Variants in SIAH2 observed in about 807,000 individuals in gnomAD.
SIAH2 encodes the protein E3 ubiquitin-protein ligase SIAH2.
Under a neutral mutation model 20.4 loss-of-function variants are expected in SIAH2, and 4 were observed. That is an observed-to-expected ratio of 0.20 (90% CI 0.10 to 0.45). SIAH2 has a LOEUF of 0.45. Ranked by LOEUF, SIAH2 falls within the 20% of genes least tolerant of loss-of-function variation. SIAH2 has a pLI of 0.99. For synonymous variants in SIAH2, 171 were observed against 192.5 expected (o/e 0.89, Z 0.93); for missense variants, 259 against 440.3 (o/e 0.59, Z 3.69).
chr3:150,741,464 G>C lies in SIAH2; in HGVS notation c.*677C>G, dbSNP rs1714085341. 1 of 152,594 alleles carries C rather than the reference G, an allele frequency of 6.6e-6. No homozygotes were observed. Among genetic ancestry groups the C allele is most frequent in the African/African-American group, 2.4e-5 (1 of 41,442 alleles). 9.5% of individuals were successfully genotyped at this position (152,594 alleles called of 1,614,324 possible). ...TAGTTCTAGTTTTAATTTGAGGGTT[G>C]GGGGAAGTTAGGGGATGAAACAGTA... On this transcript the variant is annotated 3_prime_UTR_variant, in exon 2 of 2. Transcript: ENST00000312960.
intron 1 of SIAH2, among the ~76,000 whole-genome samples, chr3:150,753,201 T>G (rs1714408106): frequency 6.6e-6 from 1 of 152,132 alleles, no homozygotes; most frequent in East Asian, 1.9e-4. Flanking sequence ...CCAGTAGACT[T>G]AGGAGAGTTT....
At chr3:150,743,627 G>A (rs1714147994) in intron 1 of SIAH2, among the ~76,000 whole-genome samples, 2 of 152,154 alleles carry the variant, frequency 1.3e-5, no homozygotes, top group Admixed American at 6.5e-5. Flanking sequence ...TAATAGGGTA[G>A]GAGAACAAAA....
chr3:150,762,459 C>A lies in SIAH2; in HGVS notation c.391G>T (p.Ala131Ser). ...SIRNLAMEKV[A>S]SAVLFPCKYA... ...TTACAGGGAAACAGGACTGCCGAGG[C>A]CACCTTCTCCATAGCCAGGTTCCTG... is the stretch of plus-strand genomic sequence containing the variant. The change falls in exon 1 of 2, where the codon GCC becomes TCC. Residue 131 changes from alanine to serine, a missense_variant. Physicochemically the swap from Ala to Ser is moderately conservative, Grantham distance 99. Around this residue, in one of 2 missense-constraint regions of SIAH2, gnomAD observed 160 missense variants for 327.6 expected, o/e 0.49. Coordinates refer to ENST00000312960, the MANE Select transcript of SIAH2 (RefSeq NM_005067.7). The surrounding 1 kb of genome is among the most constrained non-coding windows in gnomAD (Gnocchi z 6.6). The A allele has an allele frequency of 1.2e-6, 2 of 1,613,200 alleles. No homozygotes were observed.
At chr3:150,746,901 C>T (rs530888773) in intron 1 of SIAH2, among the ~76,000 whole-genome samples, 1 of 152,326 alleles carries the variant, frequency 6.6e-6, no homozygotes, top group Admixed American at 6.5e-5. Context: ...TAGCAAAGCA[C>T]GGAGTTAGAC....
intron 1 of SIAH2, among the ~76,000 whole-genome samples, chr3:150,750,555 A>G (rs540701625): frequency 2.0e-4 from 30 of 152,332 alleles, no homozygotes; most frequent in African/African-American, 7.0e-4. Context: ...TTTTATTTAC[A>G]TAACTATTTG....
chr3:150,746,484 G>A (rs73006998), intron 1 of SIAH2, among the ~76,000 whole-genome samples: 19,394 of 152,130 alleles, frequency 0.13, 2,526 homozygotes, highest in East Asian at 0.33. Context: ...TGAGTTTCTC[G>A]ACAGTGGTGC....
chr3:150,750,936 A>ACTAT (rs1284848106), intron 1 of SIAH2, among the ~76,000 whole-genome samples: 1 of 152,240 alleles, frequency 6.6e-6, no homozygotes, highest in Non-Finnish European at 1.5e-5. Context: ...TTCCTCCTTG[A>ACTAT]CTATTATTAA....
chr3:150,755,307 TTTTTC>T (rs1714460574), intron 1 of SIAH2, among the ~76,000 whole-genome samples: 1 of 150,350 alleles, frequency 6.7e-6, no homozygotes, highest in South Asian at 2.1e-4. Context: ...AATATTTTTC[TTTTTC>T]TTTTCTTCCC....
intron 1 of SIAH2, among the ~76,000 whole-genome samples, chr3:150,750,014 A>T (rs896235193): frequency 2.6e-5 from 4 of 152,138 alleles, no homozygotes; most frequent in Non-Finnish European, 5.9e-5. Flanking sequence ...TGGGAAGAAG[A>T]GATATAGGAG....
Position 150,753,428 on chromosome 3 carries a change from C to A in SIAH2, c.417+9005G>T, listed in dbSNP as rs534688972. ...CAAAAGGTAACACCCAATGTCGGTG[C>A]TGCTGGGAAGAAATGGACATTCAAC... On this transcript the variant is annotated intron_variant, in intron 1 of 1. Transcript: ENST00000312960. 3.7e-4 allele frequency among the ~76,000 whole-genome samples: 57 copies of A among 152,280 alleles called. No homozygotes were observed. The South Asian group carries it at 0.011, about 30-fold the overall frequency.
intron 1 of SIAH2, among the ~76,000 whole-genome samples, chr3:150,761,144 T>G (rs1162428460): frequency 1.3e-5 from 2 of 152,200 alleles, no homozygotes; most frequent in African/African-American, 2.4e-5. Context: ...TCTTGTCCTA[T>G]AAAATAAGCA....
intron 1 of SIAH2, among the ~76,000 whole-genome samples, chr3:150,751,446 A>G (rs951643415): frequency 2.6e-5 from 4 of 151,980 alleles, no homozygotes; most frequent in African/African-American, 9.7e-5. Flanking sequence ...AAAGAGAGAG[A>G]TATCATCAAC....
intron 1 of SIAH2, among the ~76,000 whole-genome samples, chr3:150,759,817 T>C (rs1714565365): frequency 6.6e-6 from 1 of 152,136 alleles, no homozygotes; most frequent in South Asian, 2.1e-4. Context: ...TACAGGTCCT[T>C]AGAAGTCAAG....
chr3:150,742,731 C>T lies in SIAH2; in HGVS notation c.418-33G>A, dbSNP rs774748783. 2.0e-6 allele frequency: 3 copies of T among 1,507,598 alleles called. No individual in the cohort carries two copies. Among genetic ancestry groups the T allele is most frequent in the Non-Finnish European group, 2.7e-6 (3 of 1,127,094 alleles). 93.4% of individuals were successfully genotyped at this position (1,507,598 alleles called of 1,614,324 possible). On this transcript the variant is annotated intron_variant, in intron 1 of 1. Transcript: ENST00000312960. This position sits in a 1 kb window ranked among gnomAD's most constrained non-coding sequence, Gnocchi z 4.8. ...GAAAGAAATGCATTGAGCCATTGGG[C>T]CTTCTCAAAACTTCTATTGCTTCAA...
chr3:150,749,642 GAATA>G (rs768313126), intron 1 of SIAH2, among the ~76,000 whole-genome samples: 4 of 152,322 alleles, frequency 2.6e-5, no homozygotes, highest in African/African-American at 7.2e-5. Context: ...TGTTTTAAAA[GAATA>G]TATACCTTTA....
At position 150,762,711 on chromosome 3, in the gene SIAH2, C is replaced by A; in HGVS notation, c.139G>T (p.Ala47Ser). Residue 47 changes from alanine (A) to serine (S), a missense_variant, in exon 1 of 2, where the codon GCG becomes TCG. Ala to Ser is a moderately conservative substitution (Grantham distance 99). This residue lies in a region of SIAH2 where 99 missense variants were observed against 112.7 expected (regional missense o/e 0.88). Transcript: ENST00000312960. This position sits in a 1 kb window ranked among gnomAD's most constrained non-coding sequence, Gnocchi z 6.6. Reference protein sequence around the residue: ...TISAAGPGSSAVPAAAAVISG... With the variant: ...TISAAGPGSSSVPAAAAVISG... ...ATCACCGCCGCCGCGGCGGGCACCG[C>A]GGACGAGCCGGGGCCCGCAGCCGAG... 1.6e-6 allele frequency: 2 copies of A among 1,224,020 alleles called. No individual in the cohort carries two copies. The highest frequency in any genetic ancestry group is 7.4e-5 in the South Asian group (2 of 26,990). 75.8% of individuals were successfully genotyped at this position (1,224,020 alleles called of 1,614,324 possible). A position where few individuals can be genotyped will look rare whatever the true frequency, so the allele number is the denominator to read the frequency against.
At position 150,762,269 on chromosome 3, in the gene SIAH2, C is replaced by A; in HGVS notation, c.417+164G>T. 3 of 1,380,368 alleles carry A rather than the reference C, an allele frequency of 2.2e-6. No homozygotes were observed. The highest frequency in any genetic ancestry group is 2.9e-6 in the Non-Finnish European group (3 of 1,047,726). The allele number at this position is 1,380,368 out of a possible 1,614,324, so 85.5% of individuals were successfully genotyped here. A position where few individuals can be genotyped will look rare whatever the true frequency, so the allele number is the denominator to read the frequency against. ...CTCGGTAAATGTCAACCCAGACCTA[C>A]ACCCAAAGTGGGCTTGAGGGAGGGT... On this transcript the variant is annotated intron_variant, in intron 1 of 1. Transcript: ENST00000312960. The surrounding 1 kb of genome is among the most constrained non-coding windows in gnomAD (Gnocchi z 6.6).
rs1174267596 is a variant in SIAH2, at chr3:150,742,836, T to G, written c.418-138A>C. 1 of 613,116 alleles carries G rather than the reference T, an allele frequency of 1.6e-6. No individual in the cohort carries two copies. Among genetic ancestry groups the G allele is most frequent in the Non-Finnish European group, 2.7e-6 (1 of 374,732 alleles). The allele number at this position is 613,116 out of a possible 1,614,324, so 38.0% of individuals were successfully genotyped here. A position where few individuals can be genotyped will look rare whatever the true frequency, so the allele number is the denominator to read the frequency against. Reference sequence around the variant, plus strand: ...CTACTTTTGCTCAAAGCAAGTGAAATATTCAAGACTAAAAGTCTCCGTCTC... The same window carrying G: ...CTACTTTTGCTCAAAGCAAGTGAAAGATTCAAGACTAAAAGTCTCCGTCTC... On this transcript the variant is annotated intron_variant, in intron 1 of 1. Coordinates refer to ENST00000312960, the MANE Select transcript of SIAH2 (RefSeq NM_005067.7). The surrounding 1 kb of genome is among the most constrained non-coding windows in gnomAD (Gnocchi z 4.8).
intron 1 of SIAH2, among the ~76,000 whole-genome samples, chr3:150,747,821 G>T (rs560808346): frequency 6.6e-6 from 1 of 151,838 alleles, no homozygotes; most frequent in Non-Finnish European, 1.5e-5. Context: ...AAAATTAGCC[G>T]GTTGTGGTGG....
Sources: allele counts gnomAD v4.1 joint callset (sites outside exome capture counted in the v4.1 genomes callset), GRCh38; gene constraint gnomAD v4.1.1; regional missense constraint gnomAD v4.1.1; non-coding constraint Gnocchi (gnomAD v3.1); transcripts MANE v1.5; gene names NCBI Gene and HGNC (gene_info 2026-07-23, HGNC 2026-07-21).